Variants in GAK observed in about 807,000 individuals in gnomAD.
GAK encodes cyclin-G-associated kinase.
In GAK, 79 loss-of-function variants were observed where a neutral mutation model predicts 143.9. The ratio of observed to expected loss-of-function variants is 0.55; its 90% CI spans 0.46 to 0.66. The LOEUF (loss-of-function observed/expected upper bound fraction) is 0.66. Among genes scored for constraint, GAK ranks in the 30% least tolerant of loss-of-function variants. The pLI is 0.00. For synonymous variants in GAK, 881 were observed against 765.5 expected, an observed-to-expected ratio of 1.15 and a Z score of -2.49; for missense variants, 1,693 against 1,779.7, an observed-to-expected ratio of 0.95 and a Z score of 0.88.
At position 913,476 on chromosome 4, in the gene GAK, A is replaced by G. The variant is rs372021545; in HGVS notation, c.207+131T>C. On this transcript the variant is annotated intron_variant, in intron 2 of 27. Coordinates refer to ENST00000314167, the MANE Select transcript of GAK (RefSeq NM_005255.4). ...GGCTGCTGAGATTCAGCAGAAGCAAAAGGGACAAGTATGTCCAGGCTGTAA... is the reference window on the plus strand; with the variant it reads ...GGCTGCTGAGATTCAGCAGAAGCAAGAGGGACAAGTATGTCCAGGCTGTAA... The G allele has an allele frequency of 3.6e-4, 262 of 731,880 alleles. 2 individuals are homozygous for G. In the South Asian group the frequency reaches 4.0e-3, roughly 11 times the overall value. The allele number at this position is 731,880 out of a possible 1,614,324, so 45.3% of individuals were successfully genotyped here. A position where few individuals can be genotyped will look rare whatever the true frequency, so the allele number is the denominator to read the frequency against.
At chr4:915,201 T>TGCACTCAGCCCCAGCGTACATGGCCCCCC (rs1436978872) in intron 1 of GAK, among the ~76,000 whole-genome samples, 3 of 118,190 alleles carry the variant, frequency 2.5e-5, no homozygotes, top group Admixed American at 8.2e-5. Context: ...CACGGCCCCG[T>TGCACTCAGCCCCAGCGTACATGGCCCCCC]GCACTCAGCC....
chr4:884,238 T>A, intron 11 of GAK, 152 bp from the exon 12 acceptor site: 1 of 635,560 alleles, frequency 1.6e-6, no homozygotes, highest in Non-Finnish European at 2.8e-6. Flanking sequence ...CACAGGCGTG[T>A]GGGCAGCTTC....
intron 23 of GAK, among the ~76,000 whole-genome samples, chr4:861,447 T>C (rs1370531141): frequency 1.3e-5 from 2 of 152,090 alleles, no homozygotes; most frequent in Non-Finnish European, 2.9e-5. Context: ...AAAAATTAGA[T>C]GGGCATGGTG....
intron 25 of GAK, 163 bp from the exon 26 acceptor site, chr4:851,247 G>A (rs1443483158): frequency 9.0e-6 from 5 of 557,884 alleles, no homozygotes; most frequent in Middle Eastern, 5.0e-4. Flanking sequence ...ACAGGCATGC[G>A]CCACCATGCC....
At chr4:852,177 G>A (rs1355811609) in intron 24 of GAK, 2 of 618,906 alleles carry the variant, frequency 3.2e-6, no homozygotes, top group Admixed American at 2.6e-5. Flanking sequence ...GTGCTGGGGC[G>A]ACGGGAACAC....
intron 18 of GAK, among the ~76,000 whole-genome samples, chr4:874,226 ATATGT>A (rs1713346100): frequency 6.6e-6 from 1 of 152,176 alleles, no homozygotes; most frequent in South Asian, 2.1e-4. Flanking sequence ...CTGCTGTCAG[ATATGT>A]TACTACCAAA....
At chr4:877,253 C>T (rs756731096) in intron 16 of GAK, 46 bp from the exon 17 acceptor site, 3 of 1,299,778 alleles carry the variant, frequency 2.3e-6, no homozygotes, top group Non-Finnish European at 3.3e-6. Context: ...CCCCCAAAAC[C>T]AACCAAACAA....
At chr4:886,586 G>C (rs531496225) in intron 11 of GAK, 1 of 152,248 alleles carries the variant, frequency 6.6e-6, no homozygotes, top group Admixed American at 6.5e-5. Flanking sequence ...CGTTCCTAGT[G>C]ACTTTCACTT....
At chr4:884,921 T>A (rs1315014671) in intron 11 of GAK, among the ~76,000 whole-genome samples, 1 of 152,036 alleles carries the variant, frequency 6.6e-6, no homozygotes, top group African/African-American at 2.4e-5. Flanking sequence ...ATGACCCAAA[T>A]ACACACGACC....
intron 1 of GAK, among the ~76,000 whole-genome samples, chr4:931,800 G>C (rs1386171161): frequency 7.2e-5 from 11 of 152,060 alleles, no homozygotes; most frequent in Admixed American, 7.2e-4. Context: ...CCCCGACCCG[G>C]TCCCAGCCTC....
intron 5 of GAK, among the ~76,000 whole-genome samples, chr4:901,470 C>T (rs560183143): frequency 2.3e-4 from 35 of 152,350 alleles, no homozygotes; most frequent in African/African-American, 7.9e-4. Flanking sequence ...TAGGCACCCA[C>T]GAGCAGACGC....
At chr4:927,832 T>A (rs1300124957) in intron 1 of GAK, among the ~76,000 whole-genome samples, 1 of 141,900 alleles carries the variant, frequency 7.0e-6, no homozygotes, top group African/African-American at 2.6e-5. Context: ...CACCCCTCCC[T>A]GGGTGAGCGC....
Position 889,083 on chromosome 4 carries a change from C to T in GAK, c.1082-113G>A, listed in dbSNP as rs915026743. On this transcript the variant is annotated intron_variant, in intron 10 of 27. Transcript: ENST00000314167. The stretch of plus-strand genomic sequence containing the variant: ...GCTCGGTCCCACCTCCCCAGGCGCT[C>T]GGTCCCACCTCCCCAGGTGCAGGTT... 88 of 1,311,392 alleles carry T rather than the reference C, an allele frequency of 6.7e-5. 1 individual carries two copies. Among genetic ancestry groups the T allele is most frequent in the Middle Eastern group, 5.4e-4 (2 of 3,686 alleles). 81.2% of individuals were successfully genotyped at this position (1,311,392 alleles called of 1,614,324 possible).
Position 867,437 on chromosome 4 carries a change from G to A in GAK, c.2396-5C>T, listed in dbSNP as rs184717453. 901 of 1,513,790 alleles carry A rather than the reference G, an allele frequency of 6.0e-4. 9 individuals carry two copies. In the African/African-American group the frequency reaches 0.011, roughly 19 times the overall value. 93.8% of individuals were successfully genotyped at this position (1,513,790 alleles called of 1,614,324 possible). On this transcript the variant is annotated splice_region_variant and splice_polypyrimidine_tract_variant and intron_variant, in intron 20 of 27. Transcript: ENST00000314167. Reference sequence around the variant, plus strand: ...CAGTCTCTGCCTCCTTCTCTTCTGCGAAAAGGAAACAAAACCACAGGCTAG... The same window carrying A: ...CAGTCTCTGCCTCCTTCTCTTCTGCAAAAAGGAAACAAAACCACAGGCTAG...
chr4:883,072 A>C (rs1281698313), intron 13 of GAK, among the ~76,000 whole-genome samples: 1 of 152,184 alleles, frequency 6.6e-6, no homozygotes, highest in Non-Finnish European at 1.5e-5. Flanking sequence ...CTCGGCCTCG[A>C]GCACCCTCTG....
intron 24 of GAK, among the ~76,000 whole-genome samples, chr4:858,546 G>T (rs1485390276): frequency 6.6e-6 from 1 of 152,202 alleles, no homozygotes; most frequent in South Asian, 2.1e-4. Context: ...GGCCACAAAG[G>T]GAAATAAAAT....
At chr4:882,234 C>A (rs192276677) in intron 14 of GAK, among the ~76,000 whole-genome samples, 194 bp from the exon 15 acceptor site, 25 of 152,322 alleles carry the variant, frequency 1.6e-4, no homozygotes, top group South Asian at 1.4e-3. Context: ...ACTGAAGGTT[C>A]CCTAACGAAG....
At chr4:887,440 C>T (rs4690203) in intron 11 of GAK, 21,988 of 147,100 alleles carry the variant, frequency 0.15, 1,846 homozygotes, top group Middle Eastern at 0.32. Context: ...CACAGGCACT[C>T]GCACACATGC....
Position 932,113 on chromosome 4 carries a change from C to G in GAK, c.75G>C (p.Gln25His), listed in dbSNP as rs767888580. The G allele has an allele frequency of 6.3e-7, 1 of 1,597,638 alleles. No individual in the cohort carries two copies. Among genetic ancestry groups the G allele is most frequent in the Non-Finnish European group, 8.5e-7 (1 of 1,172,880 alleles). ...CCACCGTCTGCCCCACGAAGTCACT[C>G]TGGTCGCGGCCGGAAGCACCGCCCA... ...GSLGGASGRD[Q>H]SDFVGQTVEL... The change falls in exon 1 of 28, where the codon CAG (glutamine) becomes CAC (histidine). Residue 25 changes from glutamine to histidine, a missense_variant. Physicochemically the swap from Gln to His is conservative, Grantham distance 24. This residue lies in a region of GAK where 871 missense variants were observed against 991.0 expected (regional missense o/e 0.88). Transcript: ENST00000314167. The surrounding 1 kb of genome is among the most constrained non-coding windows in gnomAD (Gnocchi z 4.0).
Sources: allele counts gnomAD v4.1 joint callset (sites outside exome capture counted in the v4.1 genomes callset), GRCh38; gene constraint gnomAD v4.1.1; regional missense constraint gnomAD v4.1.1; non-coding constraint Gnocchi (gnomAD v3.1); transcripts MANE v1.5; gene names NCBI Gene and HGNC (gene_info 2026-07-23, HGNC 2026-07-21).